FCHSD2: variants seen among roughly 807,000 people sequenced by gnomAD.
The protein encoded by FCHSD2 is F-BAR and double SH3 domains protein 2.
FCHSD2 carries 38 observed loss-of-function variants against 108.1 expected under a neutral mutation model. The ratio of observed to expected loss-of-function variants is 0.35; its 90% CI spans 0.27 to 0.46. The LOEUF (loss-of-function observed/expected upper bound fraction) is 0.46, where lower values mean the gene tolerates loss of function less well. FCHSD2 is among the 20% of genes least tolerant of loss of function. The pLI is 1.00. For synonymous variants in FCHSD2, 279 were observed against 314.7 expected (o/e 0.89, Z 1.20); for missense variants, 751 against 897.8 (o/e 0.84, Z 2.09).
rs371076366 is a variant in FCHSD2, at chr11:73,140,780, CG to C, written c.22-653del. Among the ~76,000 whole-genome samples, 534 of 152,324 alleles carry C rather than the reference CG, an allele frequency of 3.5e-3. 1 individual carries two copies. The highest frequency in any genetic ancestry group is 0.012 in the African/African-American group (512 of 41,570). The stretch of plus-strand genomic sequence containing the variant: ...CCCGTGGAGGCTCCACTTCAAACAG[CG>C]GAGAACAGCAAATGCCTGCTGGCCA... On this transcript the variant is annotated intron_variant, in intron 1 of 19. Transcript: ENST00000409418.
chr11:72,893,768 G>A (rs2135258241), intron 10 of FCHSD2, among the ~76,000 whole-genome samples: 1 of 150,790 alleles, frequency 6.6e-6, no homozygotes, highest in South Asian at 2.1e-4. Flanking sequence ...AAAAACTCTA[G>A]TCCCTTTAGA....
At chr11:72,977,789 T>C (rs1857131613) in intron 8 of FCHSD2, among the ~76,000 whole-genome samples, 1 of 152,230 alleles carries the variant, frequency 6.6e-6, no homozygotes, top group Non-Finnish European at 1.5e-5. Flanking sequence ...GAAATACCAT[T>C]TGACCGAGCA....
chr11:72,968,291 C>T (rs1856950470), intron 8 of FCHSD2, among the ~76,000 whole-genome samples: 1 of 152,288 alleles, frequency 6.6e-6, no homozygotes, highest in African/African-American at 2.4e-5. Context: ...GTCCTTAAGA[C>T]TGATAGATCT....
chr11:72,866,205 G>C (rs1215737094), intron 13 of FCHSD2, among the ~76,000 whole-genome samples: 1 of 152,166 alleles, frequency 6.6e-6, no homozygotes, highest in East Asian at 1.9e-4. Context: ...ATGACTTTTA[G>C]AAAGTGCAAT....
intron 14 of FCHSD2, among the ~76,000 whole-genome samples, chr11:72,844,502 C>A (rs538796613): frequency 2.6e-5 from 4 of 152,146 alleles, no homozygotes; most frequent in Non-Finnish European, 5.9e-5. Context: ...CAGCAGCAAT[C>A]CACCAGCATC....
intron 3 of FCHSD2, among the ~76,000 whole-genome samples, chr11:73,016,348 CCAAA>C (rs764212537): frequency 3.3e-5 from 5 of 150,740 alleles, no homozygotes; most frequent in Non-Finnish European, 7.4e-5. Context: ...AACCAACCAA[CCAAA>C]CAAACAAAAA....
chr11:72,963,103 T>C (rs1164443247), intron 8 of FCHSD2, among the ~76,000 whole-genome samples: 2 of 152,224 alleles, frequency 1.3e-5, no homozygotes, highest in African/African-American at 4.8e-5. Flanking sequence ...ATTATTTAGA[T>C]CAGTGCCTAG....
intron 3 of FCHSD2, among the ~76,000 whole-genome samples, chr11:73,031,146 T>C (rs1858350820): frequency 6.6e-6 from 1 of 152,070 alleles, no homozygotes; most frequent in East Asian, 1.9e-4. Flanking sequence ...TTTGATCTGT[T>C]ATATATGGAA....
At chr11:73,056,195 T>C (rs1477141306) in intron 3 of FCHSD2, among the ~76,000 whole-genome samples, 1 of 152,188 alleles carries the variant, frequency 6.6e-6, no homozygotes, top group East Asian at 1.9e-4. Context: ...AGCGTCTTGT[T>C]AGTTTTATCA....
chr11:72,965,008 C>A (rs1478564174), intron 8 of FCHSD2, among the ~76,000 whole-genome samples: 1 of 152,026 alleles, frequency 6.6e-6, no homozygotes, highest in Non-Finnish European at 1.5e-5. Flanking sequence ...CCAGGATGGT[C>A]TCAATTTCCC....
Position 72,839,009 on chromosome 11 carries a change from T to C in FCHSD2, c.2140-135A>G. ...CTCAGAAATGTTGTGAGCACGTGCT[T>C]TCAACCTAGTCTTCACTATTTCCTA... On this transcript the variant is annotated intron_variant, in intron 19 of 19. Coordinates refer to ENST00000409418, the MANE Select transcript of FCHSD2 (RefSeq NM_014824.3). 10 of 676,050 alleles carry C rather than the reference T, an allele frequency of 1.5e-5. No homozygotes were observed. In the South Asian group the frequency reaches 1.8e-4, roughly 12 times the overall value. The allele number at this position is 676,050 out of a possible 1,614,324, so 41.9% of individuals were successfully genotyped here. A position where few individuals can be genotyped will look rare whatever the true frequency, so the allele number is the denominator to read the frequency against.
intron 2 of FCHSD2, among the ~76,000 whole-genome samples, chr11:73,137,015 G>A (rs187751465): frequency 9.9e-5 from 15 of 152,228 alleles, no homozygotes; most frequent in Middle Eastern, 3.4e-3. Context: ...CCAACAGAGC[G>A]AGACTTTGTC....
chr11:72,943,036 C>T (rs867799279), intron 8 of FCHSD2, among the ~76,000 whole-genome samples: 4 of 152,090 alleles, frequency 2.6e-5, no homozygotes, highest in East Asian at 1.9e-4. Flanking sequence ...TTGTTGCTCA[C>T]GCTGGAGTGC....
chr11:72,883,824 C>T (rs1021748276), intron 12 of FCHSD2, among the ~76,000 whole-genome samples: 5 of 151,416 alleles, frequency 3.3e-5, no homozygotes, highest in African/African-American at 4.9e-5. Context: ...CCCAGCTACT[C>T]GGGAGGCTGA....
chr11:73,031,687 T>C (rs1466354493), intron 3 of FCHSD2, among the ~76,000 whole-genome samples: 1 of 152,172 alleles, frequency 6.6e-6, no homozygotes, highest in Non-Finnish European at 1.5e-5. Flanking sequence ...TACCCAGGAA[T>C]CCAACCCAAG....
chr11:73,089,205 G>C (rs1445965550), intron 2 of FCHSD2, among the ~76,000 whole-genome samples: 1 of 152,078 alleles, frequency 6.6e-6, no homozygotes, highest in Non-Finnish European at 1.5e-5. Context: ...AGATGAAAAG[G>C]CATTTGCTAA....
chr11:73,013,376 T>C lies in FCHSD2; in HGVS notation c.242+2433A>G, dbSNP rs555845895. ...ACAAGCCCAGGTTTTCTTCTATGGCTCCAGTGCCCCTCTCCTACTACCCAA... is the reference window on the plus strand; with the variant it reads ...ACAAGCCCAGGTTTTCTTCTATGGCCCCAGTGCCCCTCTCCTACTACCCAA... On this transcript the variant is annotated intron_variant, in intron 4 of 19. Transcript: ENST00000409418. Among the ~76,000 whole-genome samples the C allele has an allele frequency of 3.3e-5, 5 of 152,338 alleles. No homozygotes were observed. The East Asian group carries it at 5.8e-4, about 18-fold the overall frequency.
rs1038073410 is a variant in FCHSD2, at chr11:72,876,116, C to T, written c.1147-8090G>A. Among the ~76,000 whole-genome samples, 12 of 152,012 alleles carry T rather than the reference C, an allele frequency of 7.9e-5. No homozygotes were observed. The East Asian group carries it at 1.3e-3, about 17-fold the overall frequency. On this transcript the variant is annotated intron_variant, in intron 12 of 19. Transcript: ENST00000409418. ...GGGAGGATTGCTGAGCCCAGGAATT[C>T]GAGGTTTGAGGCAGCCTGGGCAAAA...
At chr11:73,036,799 A>G (rs575703037) in intron 3 of FCHSD2, among the ~76,000 whole-genome samples, 35 of 152,336 alleles carry the variant, frequency 2.3e-4, no homozygotes, top group Admixed American at 2.2e-3. Flanking sequence ...GTGTTCACTC[A>G]TAATTTTTTC....
Sources: allele counts gnomAD v4.1 joint callset (sites outside exome capture counted in the v4.1 genomes callset), GRCh38; gene constraint gnomAD v4.1.1; transcripts MANE v1.5; gene names NCBI Gene and HGNC (gene_info 2026-07-23, HGNC 2026-07-21).